Variants in UGT1A9 observed in about 807,000 individuals in gnomAD.
The protein encoded by UGT1A9 is UDP-glucuronosyltransferase 1A9.
Under a neutral mutation model 45.0 loss-of-function variants are expected in UGT1A9, and 35 were observed. The ratio of observed to expected loss-of-function variants is 0.78; its 90% CI spans 0.59 to 1.03. The LOEUF (loss-of-function observed/expected upper bound fraction) is 1.03. Among genes scored for constraint, UGT1A9 ranks in the 50% least tolerant of loss-of-function variants. The pLI, the probability that UGT1A9 is intolerant of heterozygous loss-of-function variation, is 0.00. For synonymous variants in UGT1A9, 278 were observed against 250.6 expected (o/e 1.11, Z -1.03); for missense variants, 687 against 666.6 (o/e 1.03, Z -0.34).
rs28900406 is a variant in UGT1A9, at chr2:233,772,385, C to T, written c.1419C>T (p.Pro473=). Residue 473 remains proline (P), a synonymous_variant, in exon 5 of 5, where the codon CCC becomes CCT. Transcript: ENST00000354728. ...MRHKGAPHLR[P]AAHDLTWYQY... ...ACAAGGGCGCGCCACACCTGCGCCC[C>T]GCAGCCCACGACCTCACCTGGTACC... The T allele has an allele frequency of 7.5e-4, 1,213 of 1,614,246 alleles. 13 individuals are homozygous for T. The African/African-American group carries it at 0.014, about 19-fold the overall frequency.
At chr2:233,711,189 C>G (rs2076167419) in intron 1 of UGT1A9, among the ~76,000 whole-genome samples, 2 of 152,232 alleles carry the variant, frequency 1.3e-5, no homozygotes, top group African/African-American at 4.8e-5. Flanking sequence ...GCTACTCCCT[C>G]CCCACAGTCC....
At chr2:233,690,928 C>T (rs2075021856) in intron 1 of UGT1A9, 1 of 1,021,222 alleles carries the variant, frequency 9.8e-7, no homozygotes, top group African/African-American at 1.7e-5. Context: ...TTCTTCAGCT[C>T]CTTCCTCCAA....
At chr2:233,697,735 G>A (rs1186462702) in intron 1 of UGT1A9, among the ~76,000 whole-genome samples, 1 of 151,658 alleles carries the variant, frequency 6.6e-6, no homozygotes, top group East Asian at 1.9e-4. Flanking sequence ...CTTAGTTCTG[G>A]TTTTGCTATA....
intron 1 of UGT1A9, among the ~76,000 whole-genome samples, chr2:233,674,616 T>C (rs931072279): frequency 6.6e-6 from 1 of 150,972 alleles, no homozygotes; most frequent in Admixed American, 6.7e-5. Flanking sequence ...CATCAAACTA[T>C]ATATGGTTTC....
chr2:233,691,764 A>T (rs755562811), intron 1 of UGT1A9: 29 of 435,508 alleles, frequency 6.7e-5, no homozygotes, highest in Non-Finnish European at 8.9e-5. Flanking sequence ...CTCCTGCTCT[A>T]GGATTCTCAC....
intron 1 of UGT1A9, among the ~76,000 whole-genome samples, chr2:233,684,871 T>C (rs1457596293): frequency 6.6e-6 from 1 of 152,308 alleles, no homozygotes; most frequent in African/African-American, 2.4e-5. Flanking sequence ...TTGTTTCATA[T>C]GGGCAGGGTG....
At chr2:233,689,020 G>A (rs1039573681) in intron 1 of UGT1A9, among the ~76,000 whole-genome samples, 2 of 152,134 alleles carry the variant, frequency 1.3e-5, no homozygotes, top group African/African-American at 4.8e-5. Flanking sequence ...CATAAACATG[G>A]CCAAGTGGAA....
chr2:233,683,801 T>C (rs1267857608), intron 1 of UGT1A9, among the ~76,000 whole-genome samples: 1 of 152,198 alleles, frequency 6.6e-6, no homozygotes, highest in Non-Finnish European at 1.5e-5. Context: ...ATCTTGTATG[T>C]AGTCATATTA....
At chr2:233,770,673 AAAG>A (rs1468674033) in intron 4 of UGT1A9, 2 of 152,078 alleles carry the variant, frequency 1.3e-5, no homozygotes, top group Admixed American at 6.6e-5. Context: ...AAAAAAAAAA[AAAG>A]AAGGTTCCAA....
rs1481234082 is a variant in UGT1A9 at position 233,745,697 on chromosome 2, C to T, written c.856-21337C>T. Among the ~76,000 whole-genome samples the T allele has an allele frequency of 4.1e-5, 6 of 147,560 alleles. 1 individual carries two copies. Among genetic ancestry groups the T allele is most frequent in the East Asian group, 2.0e-4 (1 of 4,980 alleles). ...GGAACATCAAAGCAAGTTTGGAGAA[C>T]AACAAGTGATCCAGAATGGCTGGAG... is the stretch of plus-strand genomic sequence containing the variant. On this transcript the variant is annotated intron_variant, in intron 1 of 4. Coordinates refer to ENST00000354728, the MANE Select transcript of UGT1A9 (RefSeq NM_021027.3).
intron 1 of UGT1A9, among the ~76,000 whole-genome samples, chr2:233,703,679 T>A (rs1325458220): frequency 1.3e-5 from 2 of 152,114 alleles, no homozygotes; most frequent in Non-Finnish European, 2.9e-5. Flanking sequence ...CATGATATAT[T>A]TTTTTTCCAC....
chr2:233,725,787 A>T (rs1433226745), intron 1 of UGT1A9, among the ~76,000 whole-genome samples: 1 of 152,208 alleles, frequency 6.6e-6, no homozygotes, highest in African/African-American at 2.4e-5. Flanking sequence ...GTTATCATTA[A>T]ATAATAATCC....
chr2:233,766,546 G>A (rs1699179284), intron 1 of UGT1A9, among the ~76,000 whole-genome samples: 1 of 152,192 alleles, frequency 6.6e-6, no homozygotes, highest in Admixed American at 6.5e-5. Flanking sequence ...AAAAATGCCT[G>A]TCCTCACCTA....
chr2:233,734,795 T>G (rs1470883191), intron 1 of UGT1A9, among the ~76,000 whole-genome samples: 1 of 152,214 alleles, frequency 6.6e-6, no homozygotes, highest in Non-Finnish European at 1.5e-5. Context: ...CAGGAGCAGG[T>G]TGTTCAGTTT....
rs1469426427 is a variant in UGT1A9, at chr2:233,723,650, T to C, written c.856-43384T>C. Among the ~76,000 whole-genome samples, 5 of 102,194 alleles carry C rather than the reference T, an allele frequency of 4.9e-5. 1 individual carries two copies. Among genetic ancestry groups the C allele is most frequent in the African/African-American group, 1.4e-4 (3 of 21,894 alleles). 67.0% of individuals were successfully genotyped at this position (102,194 alleles called of 152,430 possible). A position where few individuals can be genotyped will look rare whatever the true frequency, so the allele number is the denominator to read the frequency against. On this transcript the variant is annotated intron_variant, in intron 1 of 4. Coordinates refer to ENST00000354728, the MANE Select transcript of UGT1A9 (RefSeq NM_021027.3). ...AGATAAACAAGTGAACAAAGGTCTC[T>C]GGTTTTCCCAGGCAGAGGACCCTGC...
Position 233,672,089 on chromosome 2 carries a change from G to T in UGT1A9, c.155G>T (p.Gly52Val), listed in dbSNP as rs963277665. 1.9e-6 allele frequency: 3 copies of T among 1,614,006 alleles called. No individual in the cohort carries two copies. The African/African-American group carries it at 4.0e-5, about 22-fold the overall frequency. The change falls in exon 1 of 5, where the codon GGG (glycine) becomes GTG (valine). Residue 52 changes from glycine to valine, a missense_variant. By Grantham distance (109) the Gly-to-Val change is moderately radical. Transcript: ENST00000354728. ...GTGGTGGAGAAACTCATTCTCAGGG[G>T]GCATGAGGTGGTTGTAGTCATGCCA... ...RSVVEKLILR[G>V]HEVVVVMPEV...
chr2:233,734,262 T>C (rs1260850291), intron 1 of UGT1A9, among the ~76,000 whole-genome samples: 1 of 152,214 alleles, frequency 6.6e-6, no homozygotes, highest in Non-Finnish European at 1.5e-5. Context: ...GGAGGGTGTA[T>C]GTGTCCAGGA....
In UGT1A9 at chr2:233,724,657, C is replaced by T. The variant is rs536267654; in HGVS notation, c.856-42377C>T. 3.3e-4 allele frequency among the ~76,000 whole-genome samples: 47 copies of T among 142,730 alleles called. 7 individuals are homozygous for T. The East Asian group carries it at 7.4e-3, about 23-fold the overall frequency. 93.6% of individuals were successfully genotyped at this position (142,730 alleles called of 152,430 possible). On this transcript the variant is annotated intron_variant, in intron 1 of 4. Transcript: ENST00000354728. The stretch of plus-strand genomic sequence containing the variant: ...AGATGTGATGGCGGCTGGGAAGAGG[C>T]GCTCCTCACTTCCTAGATGGGATGG...
chr2:233,726,690 G>A (rs766630788), intron 1 of UGT1A9, among the ~76,000 whole-genome samples: 3 of 152,094 alleles, frequency 2.0e-5, no homozygotes, highest in Admixed American at 6.5e-5. Context: ...CACCTGTAAC[G>A]GAACATATTC....
Sources: gnomAD v4.1 joint callset for allele counts (sites outside exome capture counted in the v4.1 genomes callset) on GRCh38, gnomAD v4.1.1 for gene constraint, MANE v1.5 for transcripts, NCBI Gene and HGNC (gene_info 2026-07-23, HGNC 2026-07-21) for gene names.